RNF213: variants seen among roughly 807,000 people sequenced by gnomAD.
The protein encoded by RNF213 is ring finger protein 213, also known as E3 ubiquitin-protein ligase RNF213.
Under a neutral mutation model 514.4 loss-of-function variants are expected in RNF213, and 341 were observed. The ratio of observed to expected loss-of-function variants is 0.66; its 90% CI spans 0.61 to 0.73. The LOEUF is 0.73. Ranked by LOEUF, RNF213 falls within the 30% of genes least tolerant of loss-of-function variation. The pLI is 0.00. For missense variants in RNF213, 5,767 were observed against 6,615.6 expected (o/e 0.87, Z 4.45); for synonymous variants, 2,655 against 2,658.2 (o/e 1.00, Z 0.04).
intron 29 of RNF213, 103 bp from the exon 30 acceptor site, chr17:80,349,667 C>T (rs1430287673): frequency 1.6e-5 from 21 of 1,285,958 alleles, no homozygotes; most frequent in Non-Finnish European, 1.9e-5. Flanking sequence ...GCAACTGCAC[C>T]GCGCTGAACA....
Position 80,290,600 on chromosome 17 carries a change from G to A in RNF213, c.1143G>A (p.Val381=), listed in dbSNP as rs773916131. The stretch of plus-strand genomic sequence containing the variant: ...TGAGCCCGGGTGGAGGAGTCACCGT[G>A]TTCTTCCACGCCATCATCTCTCTTC... ...STLSPGGGVT[V]FFHAIISLHF... Residue 381 remains valine (V), a synonymous_variant, in exon 7 of 68, where the codon GTG becomes GTA. Coordinates refer to ENST00000582970, the MANE Select transcript of RNF213 (RefSeq NM_001256071.3). 2 of 1,614,112 alleles carry A rather than the reference G, an allele frequency of 1.2e-6. No homozygotes were observed. The highest frequency in any genetic ancestry group is 1.7e-5 in the Admixed American group (1 of 60,012).
At position 80,395,414 on chromosome 17, in the gene RNF213, C is replaced by G. The variant is rs752563843; in HGVS notation, c.*1916C>G. On this transcript the variant is annotated 3_prime_UTR_variant, in exon 68 of 68. Coordinates refer to ENST00000582970, the MANE Select transcript of RNF213 (RefSeq NM_001256071.3). ...TTGTGGAAATGTCCTTTAGAAGCAC[C>G]CATGAAGTAGTGTGTTCAGACTGTG... The G allele has an allele frequency of 2.0e-5, 3 of 152,174 alleles. No homozygotes were observed. The highest frequency in any genetic ancestry group is 2.9e-5 in the Non-Finnish European group (2 of 68,032). 9.4% of individuals were successfully genotyped at this position (152,174 alleles called of 1,614,324 possible).
At position 80,395,057 on chromosome 17, in the gene RNF213, AGG is replaced by A. The variant is rs1406345620; in HGVS notation, c.*1565_*1566del. On this transcript the variant is annotated 3_prime_UTR_variant, in exon 68 of 68. Transcript: ENST00000582970. ...CCAGACTCACTGGCCACACCTCAGC[AGG>A]GGGGGAGTCGAGTGTCAGTCTCTTT... The A allele has an allele frequency of 1.3e-5, 2 of 151,804 alleles. No individual in the cohort carries two copies. Among genetic ancestry groups the A allele is most frequent in the African/African-American group, 4.8e-5 (2 of 41,298 alleles). 9.4% of individuals were successfully genotyped at this position (151,804 alleles called of 1,614,324 possible).
rs142077875 is a variant in RNF213 at position 80,388,666 on chromosome 17, G to C, written c.14977G>C (p.Asp4993His). Residue 4993 changes from aspartate to histidine, a missense_variant, in exon 64 of 68, where the codon GAC becomes CAC. By Grantham distance (81) the Asp-to-His change is moderately conservative. Around this residue, in one of 13 missense-constraint regions of RNF213, gnomAD observed 1,245 missense variants for 1,339.0 expected, o/e 0.93. Transcript: ENST00000582970. ...CTGGAACTATGAACATCTCTTTATG[G>C]ACATCAAGAACAAAATGGCACAGGT... ...HDWNYEHLFM[D>H]IKNKMAQDSL... The C allele has an allele frequency of 5.3e-5, 86 of 1,611,902 alleles. No homozygotes were observed. Among genetic ancestry groups the C allele is most frequent in the Non-Finnish European group, 7.0e-5 (83 of 1,178,694 alleles).
chr17:80,276,728 C>CCGTTA (rs1191937423), intron 3 of RNF213, among the ~76,000 whole-genome samples: 1 of 151,858 alleles, frequency 6.6e-6, no homozygotes, highest in Admixed American at 6.6e-5. Context: ...GTTAAGGAAG[C>CCGTTA]AGCAAGGCAG....
chr17:80,321,124 A>G (rs1458734028), intron 17 of RNF213: 1 of 152,266 alleles, frequency 6.6e-6, no homozygotes, highest in Non-Finnish European at 1.5e-5. Context: ...TTGCATTTAC[A>G]TAATGAGATG....
chr17:80,279,858 G>A lies in RNF213; in HGVS notation c.261+6454G>A, dbSNP rs115304377. Among the ~76,000 whole-genome samples the A allele has an allele frequency of 9.1e-3, 1,384 of 152,284 alleles. 16 individuals are homozygous for A. The highest frequency in any genetic ancestry group is 0.026 in the African/African-American group (1,098 of 41,550). ...AAATTAGGTAACACATGTAATGAAA[G>A]GACTTTTGCTTTTGGGGAAAAGCAA... On this transcript the variant is annotated intron_variant, in intron 3 of 67. Transcript: ENST00000582970.
At position 80,346,576 on chromosome 17, in the gene RNF213, C is replaced by T; in HGVS notation, c.8241C>T (p.Ala2747=). 6.2e-7 allele frequency: 1 copy of T among 1,613,334 alleles called. No homozygotes were observed. Among genetic ancestry groups the T allele is most frequent in the Non-Finnish European group, 8.5e-7 (1 of 1,180,042 alleles). ...GGAAAACCATCGCCAAGAACTTGGCCTTGAAGGAGAACGTCTTCATGATGG... is the reference window on the plus strand; with the variant it reads ...GGAAAACCATCGCCAAGAACTTGGCTTTGAAGGAGAACGTCTTCATGATGG... ...PLRKTIAKNL[A]LKENVFMMVV... is the part of the protein sequence containing the mutation. Residue 2747 remains alanine, a synonymous_variant, in exon 29 of 68, where the codon GCC becomes GCT. Coordinates refer to ENST00000582970, the MANE Select transcript of RNF213 (RefSeq NM_001256071.3). This position sits in a 1 kb window ranked among gnomAD's most constrained non-coding sequence, Gnocchi z 8.1.
intron 5 of RNF213, 134 bp from the exon 6 acceptor site, chr17:80,289,525 G>A: frequency 2.2e-6 from 2 of 920,574 alleles, no homozygotes. Context: ...GGGAGGCGGA[G>A]GTTGCAGTGA....
chr17:80,352,479 A>T, intron 32 of RNF213: 1 of 481,546 alleles, frequency 2.1e-6, no homozygotes, highest in African/African-American at 1.9e-5. Flanking sequence ...GACTATCTTC[A>T]GATCTCTTTT....
At position 80,345,886 on chromosome 17, in the gene RNF213, C is replaced by T. The variant is rs1472218636; in HGVS notation, c.7551C>T (p.Gly2517=). The stretch of plus-strand genomic sequence containing the variant: ...GCCAGCCTCTGGCTGAGGACTCTGG[C>T]CTGCATATTATAGCTGCCTGCAATC... ...VDGQPLAEDS[G]LHIIAACNPY... Residue 2517 remains glycine, a synonymous_variant, in exon 29 of 68, where the codon GGC becomes GGT. Transcript: ENST00000582970. The surrounding 1 kb of genome is among the most constrained non-coding windows in gnomAD (Gnocchi z 6.0). 3 of 1,614,176 alleles carry T rather than the reference C, an allele frequency of 1.9e-6. No homozygotes were observed. Among genetic ancestry groups the T allele is most frequent in the Non-Finnish European group, 1.7e-6 (2 of 1,180,038 alleles).
chr17:80,279,476 T>C (rs1299944279), intron 3 of RNF213, among the ~76,000 whole-genome samples: 1 of 152,064 alleles, frequency 6.6e-6, no homozygotes, highest in Non-Finnish European at 1.5e-5. Flanking sequence ...TTCTTTCTTT[T>C]TTTTTTGAGA....
At position 80,395,845 on chromosome 17, in the gene RNF213, GA is replaced by G. The variant is rs2080648336; in HGVS notation, c.*2348del. 2 of 152,176 alleles carry G rather than the reference GA, an allele frequency of 1.3e-5. No homozygotes were observed. The highest frequency in any genetic ancestry group is 1.9e-4 in the East Asian group (1 of 5,192). The allele number at this position is 152,176 out of a possible 1,614,324, so 9.4% of individuals were successfully genotyped here. On this transcript the variant is annotated 3_prime_UTR_variant, in exon 68 of 68. Transcript: ENST00000582970. ...TGGTCTAGAACCACAGCAAGAAGAG[GA>G]GGCATGCTGGCCTGCACCGGAAGAC...
At chr17:80,282,277 T>C (rs112324637) in intron 3 of RNF213, among the ~76,000 whole-genome samples, 168 of 152,336 alleles carry the variant, frequency 1.1e-3, no homozygotes, top group African/African-American at 3.8e-3. Context: ...TTTGTTATTG[T>C]TGTCTCGTTA....
chr17:80,263,471 A>AG lies in RNF213; in HGVS notation c.-108-98dup. The AG allele has an allele frequency of 3.4e-6, 2 of 586,600 alleles. No homozygotes were observed. Among genetic ancestry groups the AG allele is most frequent in the Non-Finnish European group, 6.2e-6 (2 of 321,982 alleles). The allele number at this position is 586,600 out of a possible 1,614,324, so 36.3% of individuals were successfully genotyped here. On this transcript the variant is annotated intron_variant, in intron 1 of 67. Coordinates refer to ENST00000582970, the MANE Select transcript of RNF213 (RefSeq NM_001256071.3). This position sits in a 1 kb window ranked among gnomAD's most constrained non-coding sequence, Gnocchi z 4.9. ...AGAGACTGCAAAAGCTTGAGAGCCA[A>AG]GGGGGCAGCACAGAGCGGGGAGGGG...
chr17:80,270,438 G>C (rs12603583), intron 2 of RNF213, among the ~76,000 whole-genome samples: 8,097 of 152,230 alleles, frequency 0.053, 316 homozygotes, highest in East Asian at 0.2. Flanking sequence ...CAAATCCCCT[G>C]CACAAAGCTT....
In RNF213 at chr17:80,319,237, C is replaced by T. The variant is rs1164811432; in HGVS notation, c.2949C>T (p.Asp983=). ...QITAYCNSCW[D]TKGLEDSVAK... is the part of the protein sequence containing the mutation. ...CTGCCTACTGCAATAGTTGCTGGGA[C>T]ACCAAAGGCTTAGAGGACAGTGTGG... The change falls in exon 17 of 68, where the codon GAC becomes GAT. Residue 983 remains aspartate (D), a synonymous_variant. Transcript: ENST00000582970. The T allele has an allele frequency of 1.5e-5, 25 of 1,614,198 alleles. No individual in the cohort carries two copies. The highest frequency in any genetic ancestry group is 3.3e-5 in the South Asian group (3 of 91,082).
chr17:80,340,359 A>T lies in RNF213; in HGVS notation c.5989+3A>T. On this transcript the variant is annotated splice_donor_region_variant and intron_variant, in intron 26 of 67. Coordinates refer to ENST00000582970, the MANE Select transcript of RNF213 (RefSeq NM_001256071.3). ...GGCCTCGGAGCGAGCAGGTGTTGGT[A>T]AGGAGAGCGGCAGGGTGGGCAGGCC... 6.2e-7 allele frequency: 1 copy of T among 1,609,116 alleles called. No individual in the cohort carries two copies. The highest frequency in any genetic ancestry group is 8.5e-7 in the Non-Finnish European group (1 of 1,179,246).
Position 80,346,334 on chromosome 17 carries a change from T to TC in RNF213, c.8001dup (p.Lys2668GlnfsTer49). 6.2e-7 allele frequency: 1 copy of TC among 1,613,826 alleles called. No homozygotes were observed. Among genetic ancestry groups the TC allele is most frequent in the African/African-American group, 1.3e-5 (1 of 75,016 alleles). On this transcript the variant is annotated frameshift_variant, in exon 29 of 68. Transcript: ENST00000582970. LOFTEE classifies it high-confidence loss of function. This position sits in a 1 kb window ranked among gnomAD's most constrained non-coding sequence, Gnocchi z 8.1. ...CTTAGCGCAGCTGAATGCCTTTCTCTCCAAGTCCAGCGTCAGCAAAAATCA... is the reference window on the plus strand; with the variant it reads ...CTTAGCGCAGCTGAATGCCTTTCTCTCCCAAGTCCAGCGTCAGCAAAAATCA...
Sources: gnomAD v4.1 joint callset for allele counts (sites outside exome capture counted in the v4.1 genomes callset) on GRCh38, gnomAD v4.1.1 for gene constraint, gnomAD v4.1.1 regional missense constraint, Gnocchi (gnomAD v3.1) non-coding constraint, MANE v1.5 for transcripts, NCBI Gene and HGNC (gene_info 2026-07-23, HGNC 2026-07-21) for gene names.